RPL22: variants seen among roughly 807,000 people sequenced by gnomAD.
The protein encoded by RPL22 is ribosomal protein L22.
Under a neutral mutation model 16.2 loss-of-function variants are expected in RPL22, and 4 were observed. The ratio of observed to expected loss-of-function variants is 0.25; its 90% CI spans 0.12 to 0.57. The LOEUF is 0.57. Ranked by LOEUF, RPL22 falls within the 20% of genes least tolerant of loss-of-function variation. The pLI is 0.92. For synonymous variants in RPL22, 43 were observed against 54.8 expected (o/e 0.78, Z 0.95); for missense variants, 83 against 156.1 (o/e 0.53, Z 2.49).
chr1:6,193,542 C>T (rs966837086), intron 2 of RPL22, among the ~76,000 whole-genome samples: 3 of 152,042 alleles, frequency 2.0e-5, no homozygotes, highest in African/African-American at 7.2e-5. Flanking sequence ...ATGCTGGTCT[C>T]CAACTCCCGA....
rs372152282 is a variant in RPL22, at chr1:6,193,019, T to A, written c.153A>T (p.Gly51=). Residue 51 remains glycine (G), a synonymous_variant, in exon 3 of 4, where the codon GGA becomes GGT. Coordinates refer to ENST00000234875, the MANE Select transcript of RPL22 (RefSeq NM_000983.4). The stretch of plus-strand genomic sequence containing the variant: ...CCCCTCCACCAAGGTTCCCAGCTTT[T>A]CCGTTCACTTTGATCCTTTCTTGCA... ...QFLQERIKVN[G]KAGNLGGGVV... 2 of 1,614,200 alleles carry A rather than the reference T, an allele frequency of 1.2e-6. No individual in the cohort carries two copies. The highest frequency in any genetic ancestry group is 2.7e-5 in the African/African-American group (2 of 75,046).
intron 1 of RPL22, chr1:6,198,840 A>G (rs1398313245): frequency 6.6e-6 from 1 of 152,258 alleles, no homozygotes; most frequent in East Asian, 1.9e-4. Flanking sequence ...CAAAAGCCCA[A>G]CCAGACAGAA....
intron 2 of RPL22, among the ~76,000 whole-genome samples, chr1:6,196,118 G>A (rs1667716343): frequency 6.6e-6 from 1 of 152,160 alleles, no homozygotes; most frequent in South Asian, 2.1e-4. Context: ...AACCATAGAT[G>A]GGGCACAGAG....
intron 1 of RPL22, chr1:6,198,662 A>C (rs2100908890): frequency 1.3e-5 from 2 of 152,342 alleles, no homozygotes; most frequent in South Asian, 4.1e-4. Flanking sequence ...AACTTTTCAA[A>C]CATTTGGCCA....
intron 3 of RPL22, among the ~76,000 whole-genome samples, chr1:6,190,735 A>G (rs1160129550): frequency 6.6e-6 from 1 of 152,236 alleles, no homozygotes. Context: ...AGCAACTGGT[A>G]AAGTATTTTA....
chr1:6,197,216 G>C (rs559277076), intron 2 of RPL22, among the ~76,000 whole-genome samples: 1 of 152,138 alleles, frequency 6.6e-6, no homozygotes, highest in Non-Finnish European at 1.5e-5. Flanking sequence ...ATTTTTAGTG[G>C]AGACGGGGTT....
chr1:6,191,018 G>A (rs1304610449), intron 3 of RPL22, among the ~76,000 whole-genome samples: 1 of 152,068 alleles, frequency 6.6e-6, no homozygotes, highest in Non-Finnish European at 1.5e-5. Context: ...GAGGTCAGGA[G>A]TTCAAGACCA....
At chr1:6,191,198 AAAAC>A (rs1223341977) in intron 3 of RPL22, among the ~76,000 whole-genome samples, 1 of 150,576 alleles carries the variant, frequency 6.6e-6, no homozygotes, top group South Asian at 2.1e-4. Flanking sequence ...TCTCTACTAA[AAAAC>A]AAAAAAAATT....
chr1:6,195,544 G>A (rs554217540), intron 2 of RPL22, among the ~76,000 whole-genome samples: 2 of 152,032 alleles, frequency 1.3e-5, no homozygotes, highest in African/African-American at 2.4e-5. Context: ...GAGGTCAGGA[G>A]TTCAAGACCA....
At chr1:6,188,040 C>CA (rs1375580540) in intron 3 of RPL22, among the ~76,000 whole-genome samples, 6 of 131,808 alleles carry the variant, frequency 4.6e-5, no homozygotes, top group African/African-American at 1.7e-4. Flanking sequence ...CTCACCACAA[C>CA]AGGGATCATT....
chr1:6,198,927 G>A (rs1470344014), intron 1 of RPL22: 2 of 152,360 alleles, frequency 1.3e-5, no homozygotes, highest in Admixed American at 6.5e-5. Context: ...CGAAGAACAC[G>A]GAAAAACAAC....
At chr1:6,187,131 A>C (rs1028626743) in intron 3 of RPL22, among the ~76,000 whole-genome samples, 3 of 151,964 alleles carry the variant, frequency 2.0e-5, no homozygotes, top group Non-Finnish European at 2.9e-5. Context: ...AACATGGTGA[A>C]ACCCCATCTC....
In RPL22 at chr1:6,185,698, C is replaced by T. The variant is rs1456958748; in HGVS notation, c.*974G>A. 3.6e-6 allele frequency: 1 copy of T among 274,554 alleles called. No homozygotes were observed. Among genetic ancestry groups the T allele is most frequent in the African/African-American group, 2.1e-5 (1 of 46,514 alleles). 17.0% of individuals were successfully genotyped at this position (274,554 alleles called of 1,614,324 possible). A position where few individuals can be genotyped will look rare whatever the true frequency, so the allele number is the denominator to read the frequency against. On this transcript the variant is annotated 3_prime_UTR_variant, in exon 4 of 4. Coordinates refer to ENST00000234875, the MANE Select transcript of RPL22 (RefSeq NM_000983.4). Reference sequence around the variant, plus strand: ...GGCACCAGAGTCTTTCAAAGTCACTCACAGCAACAATTGCATTTTTTTCCC... The same window carrying T: ...GGCACCAGAGTCTTTCAAAGTCACTTACAGCAACAATTGCATTTTTTTCCC...
rs552461067 is a variant in RPL22, at chr1:6,191,970, G to A, written c.242+960C>T. Reference sequence around the variant, plus strand: ...GCCAAGATGGCGCCACTGCACTCCAGCCTGGGCAACAGAGCAAGACTCGGT... The same window carrying A: ...GCCAAGATGGCGCCACTGCACTCCAACCTGGGCAACAGAGCAAGACTCGGT... On this transcript the variant is annotated intron_variant, in intron 3 of 3. Transcript: ENST00000234875. Among the ~76,000 whole-genome samples the A allele has an allele frequency of 3.1e-4, 47 of 149,816 alleles. 1 individual carries two copies. The East Asian group carries it at 8.0e-3, about 26-fold the overall frequency.
chr1:6,189,167 GCTCCACACCAACAAAGCAAT>G (rs767881450), intron 3 of RPL22, among the ~76,000 whole-genome samples: 1,497 of 133,680 alleles, frequency 0.011, 13 homozygotes, highest in African/African-American at 0.032. Context: ...CTGTGACAGT[GCTCCACACCAACAAAGCAAT>G]CTCCACACCA....
At chr1:6,193,869 G>A (rs879233560) in intron 2 of RPL22, among the ~76,000 whole-genome samples, 5 of 152,174 alleles carry the variant, frequency 3.3e-5, no homozygotes, top group Admixed American at 1.3e-4. Context: ...ACACAAGGCC[G>A]ACTGGGCCTC....
intron 2 of RPL22, among the ~76,000 whole-genome samples, chr1:6,196,041 C>T (rs1464192724): frequency 6.6e-6 from 1 of 152,054 alleles, no homozygotes; most frequent in African/African-American, 2.4e-5. Flanking sequence ...CCAGCCTGGG[C>T]AACAAGAGCA....
intron 3 of RPL22, among the ~76,000 whole-genome samples, chr1:6,192,440 A>G (rs1226458433): frequency 6.6e-6 from 1 of 152,098 alleles, no homozygotes; most frequent in Admixed American, 6.5e-5. Context: ...GCTCAGGCCT[A>G]TAATCCCAGC....
chr1:6,198,077 A>C, intron 1 of RPL22: 1 of 285,630 alleles, frequency 3.5e-6, no homozygotes, highest in Admixed American at 4.8e-5. Context: ...GAACCACAAT[A>C]AAATGAACAC....
Sources: allele counts gnomAD v4.1 joint callset (sites outside exome capture counted in the v4.1 genomes callset), GRCh38; gene constraint gnomAD v4.1.1; transcripts MANE v1.5; gene names NCBI Gene and HGNC (gene_info 2026-07-23, HGNC 2026-07-21).